The following DSCAML1 variants were observed in gnomAD, a reference collection of about 807,000 sequenced individuals.
DSCAML1 encodes cell adhesion molecule DSCAML1.
In DSCAML1, 38 loss-of-function variants were observed where a neutral mutation model predicts 200.5. The ratio of observed to expected loss-of-function variants is 0.19; its 90% confidence interval spans 0.15 to 0.25. The LOEUF (loss-of-function observed/expected upper bound fraction) is 0.25, where lower values mean the gene tolerates loss of function less well. Among genes scored for constraint, DSCAML1 ranks in the 10% least tolerant of loss-of-function variants. DSCAML1 has a pLI of 1.00. For missense variants in DSCAML1, 2,223 were observed against 2,858.8 expected (o/e 0.78, Z 5.07); for synonymous variants, 1,215 against 1,165.0 (o/e 1.04, Z -0.87).
At chr11:117,731,694 A>G (rs1329424677) in intron 3 of DSCAML1, among the ~76,000 whole-genome samples, 1 of 152,168 alleles carries the variant, frequency 6.6e-6, no homozygotes, top group Admixed American at 6.5e-5. Context: ...ACCACAATAC[A>G]TGTAGCTGTT....
intron 2 of DSCAML1, among the ~76,000 whole-genome samples, chr11:117,778,772 C>A (rs369319716): frequency 6.6e-6 from 1 of 152,206 alleles, no homozygotes; most frequent in African/African-American, 2.4e-5. Flanking sequence ...CCCAATCCTC[C>A]ACGCTGTGGA....
At chr11:117,617,867 G>A (rs1209101805) in intron 3 of DSCAML1, among the ~76,000 whole-genome samples, 1 of 152,146 alleles carries the variant, frequency 6.6e-6, no homozygotes, top group Non-Finnish European at 1.5e-5. Context: ...TACCAGGTAG[G>A]AGGAGGGGTC....
chr11:117,512,200 C>T (rs562936842), intron 8 of DSCAML1, among the ~76,000 whole-genome samples: 1 of 152,314 alleles, frequency 6.6e-6, no homozygotes, highest in Non-Finnish European at 1.5e-5. Context: ...TACTTTCTAG[C>T]TCTCTGCTCT....
intron 3 of DSCAML1, among the ~76,000 whole-genome samples, chr11:117,682,336 C>T (rs2053326471): frequency 6.6e-6 from 1 of 152,136 alleles, no homozygotes; most frequent in South Asian, 2.1e-4. Flanking sequence ...CCTGCTCCAG[C>T]CATGAACTTG....
At chr11:117,551,008 T>A (rs910985906) in intron 3 of DSCAML1, among the ~76,000 whole-genome samples, 2 of 152,220 alleles carry the variant, frequency 1.3e-5, no homozygotes, top group African/African-American at 4.8e-5. Flanking sequence ...CTTTTCTCTG[T>A]CCTCAGCCAT....
intron 3 of DSCAML1, among the ~76,000 whole-genome samples, chr11:117,723,195 T>A (rs2054068910): frequency 6.6e-6 from 1 of 152,250 alleles, no homozygotes; most frequent in Non-Finnish European, 1.5e-5. Context: ...ACTATACTGG[T>A]ATTTATTACC....
At chr11:117,785,515 G>C (rs1252116604) in intron 1 of DSCAML1, among the ~76,000 whole-genome samples, 1 of 152,254 alleles carries the variant, frequency 6.6e-6, no homozygotes, top group East Asian at 1.9e-4. Flanking sequence ...AAACCAGCTG[G>C]ATTGAGGAGT....
chr11:117,438,426 T>G (rs992796898), intron 24 of DSCAML1, among the ~76,000 whole-genome samples: 5 of 151,896 alleles, frequency 3.3e-5, no homozygotes, highest in Non-Finnish European at 5.9e-5. Flanking sequence ...GTCTAGATCT[T>G]CACTAGGATC....
chr11:117,596,263 C>T (rs912962758), intron 3 of DSCAML1, among the ~76,000 whole-genome samples: 1 of 152,150 alleles, frequency 6.6e-6, no homozygotes, highest in African/African-American at 2.4e-5. Context: ...AGAATTGCTA[C>T]TCTTAAGTCC....
At chr11:117,627,714 C>T (rs1418277244) in intron 3 of DSCAML1, among the ~76,000 whole-genome samples, 2 of 152,102 alleles carry the variant, frequency 1.3e-5, no homozygotes, top group East Asian at 1.9e-4. Flanking sequence ...GTTTTGAAGG[C>T]GGTTCCAACA....
chr11:117,548,908 GTC>G (rs771651641), intron 3 of DSCAML1, among the ~76,000 whole-genome samples: 2 of 152,188 alleles, frequency 1.3e-5, no homozygotes, highest in Non-Finnish European at 2.9e-5. Context: ...GCTCATTTCT[GTC>G]TCTGCTTTTT....
chr11:117,676,847 G>A (rs781591282), intron 3 of DSCAML1, among the ~76,000 whole-genome samples: 1 of 152,238 alleles, frequency 6.6e-6, no homozygotes, highest in Non-Finnish European at 1.5e-5. Flanking sequence ...TGGGCTAGGA[G>A]TGCCACCCAA....
In DSCAML1 at chr11:117,435,662, G is replaced by A. The variant is rs749644153; in HGVS notation, c.4858C>T (p.Arg1620Trp). The A allele has an allele frequency of 1.3e-6, 2 of 1,599,880 alleles. No homozygotes were observed. The highest frequency in any genetic ancestry group is 1.7e-5 in the Admixed American group (1 of 59,696). Residue 1620 changes from arginine to tryptophan, a missense_variant, in exon 27 of 33, where the codon CGG (arginine) becomes TGG (tryptophan). Arg to Trp is a moderately radical substitution (Grantham distance 101, BLOSUM62 -3). This residue lies in a region of DSCAML1 where 614 missense variants were observed against 739.1 expected (regional missense o/e 0.83). Transcript: ENST00000651296. ...CCCCCACCTCGGAGTCGCTTCAGCCGTTTCTCCTTCCTCTTCTTGCGTACG... is the reference window on the plus strand; with the variant it reads ...CCCCCACCTCGGAGTCGCTTCAGCCATTTCTCCTTCCTCTTCTTGCGTACG... ...FIVRKKRKEK[R>W]LKRLRDAKSL...
chr11:117,721,945 C>T (rs2054048503), intron 3 of DSCAML1, among the ~76,000 whole-genome samples: 1 of 151,818 alleles, frequency 6.6e-6, no homozygotes, highest in Non-Finnish European at 1.5e-5. Flanking sequence ...AAATGTAAGT[C>T]ATTTGTTCTT....
At chr11:117,779,767 A>G (rs2055198737) in intron 2 of DSCAML1, among the ~76,000 whole-genome samples, 1 of 152,254 alleles carries the variant, frequency 6.6e-6, no homozygotes, top group African/African-American at 2.4e-5. Context: ...TCTTAGGGGA[A>G]TAGTGTCACA....
At position 117,658,035 on chromosome 11, in the gene DSCAML1, G is replaced by A. The variant is rs556777056; in HGVS notation, c.511+118756C>T. 1.4e-4 allele frequency among the ~76,000 whole-genome samples: 21 copies of A among 152,244 alleles called. No homozygotes were observed. The East Asian group carries it at 3.5e-3, about 25-fold the overall frequency. On this transcript the variant is annotated intron_variant, in intron 3 of 32. Coordinates refer to ENST00000651296, the MANE Select transcript of DSCAML1 (RefSeq NM_020693.4). ...TCACTGGATGCCAGCTGGCACCAAG[G>A]CACAATGAGATGACTACTTGAGAAC...
chr11:117,572,669 G>A (rs2050866647), intron 3 of DSCAML1, among the ~76,000 whole-genome samples: 1 of 152,212 alleles, frequency 6.6e-6, no homozygotes, highest in Non-Finnish European at 1.5e-5. Context: ...GGATTGGGGG[G>A]AGGCGGGGAT....
intron 3 of DSCAML1, among the ~76,000 whole-genome samples, chr11:117,599,692 T>A (rs549137443): frequency 6.6e-6 from 1 of 152,196 alleles, no homozygotes; most frequent in African/African-American, 2.4e-5. Flanking sequence ...CACTCCAGGA[T>A]TCAACTCAGT....
intron 3 of DSCAML1, among the ~76,000 whole-genome samples, chr11:117,652,741 C>T (rs1218714010): frequency 2.0e-5 from 3 of 152,170 alleles, no homozygotes; most frequent in African/African-American, 4.8e-5. Context: ...CGATGATAAC[C>T]GTGCGTGCAT....
Sources: gnomAD v4.1 joint callset for allele counts (sites outside exome capture counted in the v4.1 genomes callset) on GRCh38, gnomAD v4.1.1 for gene constraint, gnomAD v4.1.1 regional missense constraint, MANE v1.5 for transcripts, NCBI Gene and HGNC (gene_info 2026-07-23, HGNC 2026-07-21) for gene names.